Variants in TLK1 observed in about 807,000 individuals in gnomAD.
TLK1 encodes serine/threonine-protein kinase tousled-like 1.
Under a neutral mutation model 105.3 loss-of-function variants are expected in TLK1, and 24 were observed. The ratio of observed to expected loss-of-function variants is 0.23; its 90% CI spans 0.17 to 0.32. The LOEUF (loss-of-function observed/expected upper bound fraction) is 0.32, where lower values mean the gene tolerates loss of function less well. TLK1 is among the 10% of genes least tolerant of loss of function. The pLI is 1.00. For missense variants in TLK1, 558 were observed against 910.5 expected, an observed-to-expected ratio of 0.61 and a Z score of 4.98; for synonymous variants, 321 against 310.4, an observed-to-expected ratio of 1.03 and a Z score of -0.36.
chr2:171,082,012 T>A (rs1299854825), intron 3 of TLK1, among the ~76,000 whole-genome samples: 1 of 146,112 alleles, frequency 6.8e-6, no homozygotes, highest in Non-Finnish European at 1.5e-5. Context: ...CAAGTAGAAA[T>A]AAGACTGACG....
In TLK1 at chr2:171,160,075, T is replaced by A. The variant is rs1692402828; in HGVS notation, c.139+215A>T. Among the ~76,000 whole-genome samples, 1 of 152,054 alleles carries A rather than the reference T, an allele frequency of 6.6e-6. No individual in the cohort carries two copies. Among genetic ancestry groups the A allele is most frequent in the Non-Finnish European group, 1.5e-5 (1 of 67,994 alleles). On this transcript the variant is annotated intron_variant, in intron 1 of 20. Transcript: ENST00000431350. This position sits in a 1 kb window ranked among gnomAD's most constrained non-coding sequence, Gnocchi z 4.4. ...GTCCCCACCAGCGCGCACCCCCTCG[T>A]CCGTCTCCTCCGCCACCCGCGAACC...
chr2:171,067,158 A>G (rs1050434217), intron 3 of TLK1, among the ~76,000 whole-genome samples: 6 of 116,250 alleles, frequency 5.2e-5, no homozygotes, highest in Non-Finnish European at 9.1e-5. Context: ...ATGTGCACTT[A>G]GGTTTTTTTT....
At chr2:171,003,023 C>T (rs113956313) in intron 18 of TLK1, among the ~76,000 whole-genome samples, 3 of 151,752 alleles carry the variant, frequency 2.0e-5, no homozygotes, top group African/African-American at 7.2e-5. Flanking sequence ...GCCTGTAATC[C>T]CAGCACTTTG....
chr2:171,215,935 A>T (rs1231497111), intron 1 of TLK1, among the ~76,000 whole-genome samples: 1 of 152,192 alleles, frequency 6.6e-6, no homozygotes, highest in Non-Finnish European at 1.5e-5. Context: ...CTCATTTTTC[A>T]TAAAATTAGC....
chr2:171,055,440 A>G (rs938301651), intron 6 of TLK1, among the ~76,000 whole-genome samples: 2 of 152,002 alleles, frequency 1.3e-5, no homozygotes, highest in Non-Finnish European at 2.9e-5. Flanking sequence ...GTGCCATAAA[A>G]GAAATCTTAA....
At chr2:170,999,431 C>T (rs1684251181) in intron 18 of TLK1, among the ~76,000 whole-genome samples, 1 of 152,126 alleles carries the variant, frequency 6.6e-6, no homozygotes. Flanking sequence ...ATGTGTGTAA[C>T]TGAAACAGGA....
At chr2:171,086,235 CAGATAACTA>C (rs1380588505) in intron 2 of TLK1, among the ~76,000 whole-genome samples, 2 of 152,030 alleles carry the variant, frequency 1.3e-5, no homozygotes, top group Non-Finnish European at 2.9e-5. Flanking sequence ...TTATTTTCTA[CAGATAACTA>C]TATATAAATC....
In TLK1 at chr2:171,160,305, C is replaced by G. The variant is rs771816499; in HGVS notation, c.124G>C (p.Gly42Arg). ...CGGTGCTTACCTTCCCTGGGCCTCCCGGATGGCGGCGTGTGATTCAGCAGG... is the reference window on the plus strand; with the variant it reads ...CGGTGCTTACCTTCCCTGGGCCTCCGGGATGGCGGCGTGTGATTCAGCAGG... ...RSLLNHTPPS[G>R]RPREGAMDEL... The change falls in exon 1 of 21, where the codon GGG (glycine) becomes CGG (arginine). Residue 42 changes from glycine (G) to arginine (R), a missense_variant. Transcript: ENST00000431350. The surrounding 1 kb of genome is among the most constrained non-coding windows in gnomAD (Gnocchi z 4.4). 6.3e-7 allele frequency: 1 copy of G among 1,585,514 alleles called. No individual in the cohort carries two copies. Among genetic ancestry groups the G allele is most frequent in the Non-Finnish European group, 8.6e-7 (1 of 1,168,914 alleles).
At chr2:171,090,509 A>G (rs1329996447) in intron 2 of TLK1, among the ~76,000 whole-genome samples, 1 of 152,204 alleles carries the variant, frequency 6.6e-6, no homozygotes, top group African/African-American at 2.4e-5. Flanking sequence ...TTTGTGCATT[A>G]TTCTAAATGT....
intron 3 of TLK1, chr2:171,066,968 T>G: frequency 6.5e-7 from 1 of 1,537,966 alleles, no homozygotes; most frequent in Non-Finnish European, 8.8e-7. Flanking sequence ...TGAAAGTGCT[T>G]GTAATAGTCA....
At chr2:171,208,379 A>G (rs1331771669) in intron 1 of TLK1, among the ~76,000 whole-genome samples, 6 of 152,010 alleles carry the variant, frequency 3.9e-5, no homozygotes, top group East Asian at 3.8e-4. Context: ...TTAATTAATT[A>G]TGTTTAGAAA....
rs1575515632 is a variant in TLK1 at position 171,015,292 on chromosome 2, A to T, written c.1237-344T>A. ...CCATTTCTAGTCCATGCAAATTTTAATTTAAGAAGGAATAATTTACTAGTA... is the reference window on the plus strand; with the variant it reads ...CCATTTCTAGTCCATGCAAATTTTATTTTAAGAAGGAATAATTTACTAGTA... On this transcript the variant is annotated intron_variant, in intron 12 of 20. Coordinates refer to ENST00000431350, the MANE Select transcript of TLK1 (RefSeq NM_012290.5). Among the ~76,000 whole-genome samples, 6 of 96,962 alleles carry T rather than the reference A, an allele frequency of 6.2e-5. No homozygotes were observed. The South Asian group carries it at 1.6e-3, about 26-fold the overall frequency. The allele number at this position is 96,962 out of a possible 152,430, so 63.6% of individuals were successfully genotyped here.
chr2:171,123,625 T>G (rs541158189), intron 1 of TLK1, among the ~76,000 whole-genome samples: 4 of 152,188 alleles, frequency 2.6e-5, no homozygotes, highest in Admixed American at 6.5e-5. Flanking sequence ...CTGGGCAACA[T>G]AGGGAGACCC....
At chr2:171,015,653 C>T (rs997347771) in intron 12 of TLK1, among the ~76,000 whole-genome samples, 7 of 143,646 alleles carry the variant, frequency 4.9e-5, no homozygotes, top group East Asian at 4.2e-4. Flanking sequence ...AAAACAAGTA[C>T]ACATATCACT....
intron 1 of TLK1, among the ~76,000 whole-genome samples, chr2:171,222,657 T>C (rs1229971725): frequency 6.6e-6 from 1 of 152,174 alleles, no homozygotes; most frequent in African/African-American, 2.4e-5. Flanking sequence ...ACATGTGAAA[T>C]TTTGATACAA....
intron 1 of TLK1, among the ~76,000 whole-genome samples, chr2:171,212,306 C>T (rs1693633204): frequency 6.7e-6 from 1 of 148,294 alleles, no homozygotes; most frequent in Non-Finnish European, 1.5e-5. Flanking sequence ...CTTCACCTCC[C>T]CCACCGCCCC....
chr2:171,099,714 A>C (rs1468977511), intron 2 of TLK1, among the ~76,000 whole-genome samples: 3 of 152,222 alleles, frequency 2.0e-5, no homozygotes, highest in Non-Finnish European at 2.9e-5. Flanking sequence ...TTTACAATCA[A>C]TTAACTTTTG....
chr2:171,032,650 A>T (rs1686099692), intron 11 of TLK1, among the ~76,000 whole-genome samples: 1 of 152,218 alleles, frequency 6.6e-6, no homozygotes, highest in African/African-American at 2.4e-5. Context: ...TTCAAAAAGT[A>T]TGGTACTGCC....
chr2:171,195,074 T>C (rs1693241415), intron 1 of TLK1, among the ~76,000 whole-genome samples: 2 of 152,152 alleles, frequency 1.3e-5, no homozygotes, highest in Non-Finnish European at 2.9e-5. Flanking sequence ...CATTTTCGTA[T>C]ACTTGCTGTC....
Sources: allele counts gnomAD v4.1 joint callset (sites outside exome capture counted in the v4.1 genomes callset), GRCh38; gene constraint gnomAD v4.1.1; non-coding constraint Gnocchi (gnomAD v3.1); transcripts MANE v1.5; gene names NCBI Gene and HGNC (gene_info 2026-07-23, HGNC 2026-07-21).